RRM1: variants seen among roughly 807,000 people sequenced by gnomAD.
RRM1 encodes ribonucleotide reductase catalytic subunit M1.
In RRM1, 19 loss-of-function variants were observed where a neutral mutation model predicts 101.5. The ratio of observed to expected loss-of-function variants is 0.19; its 90% CI spans 0.13 to 0.27. The LOEUF is 0.27. Ranked by LOEUF, RRM1 falls within the 10% of genes least tolerant of loss-of-function variation. RRM1 has a pLI of 1.00. For missense variants in RRM1, 500 were observed against 962.9 expected (o/e 0.52, Z 6.36); for synonymous variants, 298 against 323.4 (o/e 0.92, Z 0.84).
chr11:4,109,853 G>A, intron 5 of RRM1, 150 bp downstream of exon 5: 1 of 546,632 alleles, frequency 1.8e-6, no homozygotes, highest in Non-Finnish European at 3.1e-6. Context: ...TAGCAGTGGT[G>A]GTTTGAATTA....
At chr11:4,136,571 T>G (rs941567559) in intron 18 of RRM1, among the ~76,000 whole-genome samples, 1 of 151,022 alleles carries the variant, frequency 6.6e-6, no homozygotes, top group African/African-American at 2.4e-5. Flanking sequence ...TATTTTATAC[T>G]TTTTTAGACG....
intron 7 of RRM1, among the ~76,000 whole-genome samples, chr11:4,115,855 C>G (rs566341881): frequency 6.6e-6 from 1 of 152,136 alleles, no homozygotes; most frequent in Non-Finnish European, 1.5e-5. Context: ...CTGCGCCTGG[C>G]CCTACTTCCA....
At chr11:4,099,912 G>A (rs141937407) in intron 1 of RRM1, among the ~76,000 whole-genome samples, 23 of 150,112 alleles carry the variant, frequency 1.5e-4, no homozygotes, top group African/African-American at 4.6e-4. Context: ...ACTTCTGGCA[G>A]TTGTAGAATT....
At chr11:4,124,147 G>C (rs1203402560) in intron 12 of RRM1, among the ~76,000 whole-genome samples, 1 of 152,142 alleles carries the variant, frequency 6.6e-6, no homozygotes, top group African/African-American at 2.4e-5. Flanking sequence ...GAAGGTAGAA[G>C]CTGACACGTC....
At chr11:4,133,723 C>A in intron 17 of RRM1, 65 bp downstream of exon 17, 5 of 884,264 alleles carry the variant, frequency 5.7e-6, no homozygotes, top group South Asian at 3.0e-5. Context: ...CCTCCTCACT[C>A]ATGCTAGACA....
intron 10 of RRM1, 94 bp from the exon 11 acceptor site, chr11:4,122,047 C>A: frequency 1.0e-6 from 1 of 985,620 alleles, no homozygotes; most frequent in Non-Finnish European, 1.5e-6. Flanking sequence ...TCCAAGAGAG[C>A]TTGTAAAAGT....
intron 5 of RRM1, 104 bp from the exon 6 acceptor site, chr11:4,111,497 A>G: frequency 1.6e-6 from 1 of 633,906 alleles, no homozygotes; most frequent in Non-Finnish European, 2.6e-6. Flanking sequence ...GAAATTTTAT[A>G]GAAACGGCGA....
At chr11:4,100,071 C>T (rs182795914) in intron 1 of RRM1, among the ~76,000 whole-genome samples, 34 of 152,302 alleles carry the variant, frequency 2.2e-4, no homozygotes, top group Non-Finnish European at 4.4e-4. Context: ...TACCCCATTT[C>T]AGAGTTAAAT....
At chr11:4,117,372 T>C (rs948098145) in intron 7 of RRM1, among the ~76,000 whole-genome samples, 8 of 152,202 alleles carry the variant, frequency 5.3e-5, no homozygotes, top group Non-Finnish European at 1.2e-4. Context: ...GAATTGCAAA[T>C]GAATTGGAAA....
chr11:4,120,313 T>C (rs2094579715), intron 9 of RRM1, among the ~76,000 whole-genome samples: 1 of 152,214 alleles, frequency 6.6e-6, no homozygotes, highest in Admixed American at 6.5e-5. Context: ...ATTTCTCAAG[T>C]TGTAATTCAT....
intron 5 of RRM1, among the ~76,000 whole-genome samples, chr11:4,110,759 ACT>A (rs1400378470): frequency 7.3e-6 from 1 of 137,232 alleles, no homozygotes; most frequent in East Asian, 2.1e-4. Flanking sequence ...ACAGAGTGAG[ACT>A]CTGTCTCAAA....
At chr11:4,100,311 A>G (rs2094549329) in intron 1 of RRM1, among the ~76,000 whole-genome samples, 1 of 152,250 alleles carries the variant, frequency 6.6e-6, no homozygotes, top group Non-Finnish European at 1.5e-5. Context: ...AAACATATTT[A>G]GCATGTTTCT....
At chr11:4,096,652 A>T (rs2094543916) in intron 1 of RRM1, among the ~76,000 whole-genome samples, 1 of 151,848 alleles carries the variant, frequency 6.6e-6, no homozygotes. Flanking sequence ...TTGTATTTTT[A>T]TTTTTTTACA....
intron 2 of RRM1, among the ~76,000 whole-genome samples, chr11:4,103,056 C>T (rs868083513): frequency 1.9e-4 from 29 of 152,238 alleles, no homozygotes; most frequent in African/African-American, 6.7e-4. Flanking sequence ...GTATCTTATC[C>T]GCACTGCTAA....
intron 1 of RRM1, chr11:4,099,341 C>T (rs1297096256): frequency 1.7e-5 from 2 of 115,468 alleles, no homozygotes; most frequent in South Asian, 3.0e-4. Context: ...TGGGGTTTCA[C>T]CATATTGGCT....
chr11:4,120,127 T>C (rs1433311857), intron 9 of RRM1, among the ~76,000 whole-genome samples, 199 bp downstream of exon 9: 1 of 152,178 alleles, frequency 6.6e-6, no homozygotes. Flanking sequence ...TATACACTTG[T>C]GTAATCACCA....
chr11:4,132,268 T>TA lies in RRM1; in HGVS notation c.1770-16dup, dbSNP rs756679553. On this transcript the variant is annotated splice_polypyrimidine_tract_variant and intron_variant, in intron 15 of 18. Coordinates refer to ENST00000300738, the MANE Select transcript of RRM1 (RefSeq NM_001033.5). The surrounding 1 kb of genome is among the most constrained non-coding windows in gnomAD (Gnocchi z 4.1). ...TTGTAGCTTTGGGACTAGTACCTGA[T>TA]AATCTCCTTTTCTTTAGGTATGGTA... 6.2e-7 allele frequency: 1 copy of TA among 1,613,980 alleles called. No homozygotes were observed. The highest frequency in any genetic ancestry group is 8.5e-7 in the Non-Finnish European group (1 of 1,179,876).
chr11:4,129,401 T>C (rs570150545), intron 15 of RRM1, among the ~76,000 whole-genome samples: 10 of 152,284 alleles, frequency 6.6e-5, no homozygotes, highest in East Asian at 5.8e-4. Flanking sequence ...GTTGATCTTA[T>C]TTTAGGGACT....
In RRM1 at chr11:4,135,204, G is replaced by C; in HGVS notation, c.2124G>C (p.Leu708Phe). ...CTTTCATTGATCAAAGCCAATCTTTGAACATCCACATTGCTGAGCCTAACT... is the reference window on the plus strand; with the variant it reads ...CTTTCATTGATCAAAGCCAATCTTTCAACATCCACATTGCTGAGCCTAACT... Reference protein sequence around the residue: ...RGAFIDQSQSLNIHIAEPNYG... With the variant: ...RGAFIDQSQSFNIHIAEPNYG... The change falls in exon 18 of 19, where the codon TTG (leucine) becomes TTC (phenylalanine). Residue 708 changes from leucine (L) to phenylalanine (F), a missense_variant. By Grantham distance (22) the Leu-to-Phe change is conservative. Coordinates refer to ENST00000300738, the MANE Select transcript of RRM1 (RefSeq NM_001033.5). The C allele has an allele frequency of 1.9e-6, 3 of 1,613,678 alleles. No individual in the cohort carries two copies. Among genetic ancestry groups the C allele is most frequent in the Non-Finnish European group, 2.5e-6 (3 of 1,179,782 alleles).
Sources: gnomAD v4.1 joint callset for allele counts (sites outside exome capture counted in the v4.1 genomes callset) on GRCh38, gnomAD v4.1.1 for gene constraint, Gnocchi (gnomAD v3.1) non-coding constraint, MANE v1.5 for transcripts, NCBI Gene and HGNC (gene_info 2026-07-23, HGNC 2026-07-21) for gene names.